Variants in TMEM178B observed in about 807,000 individuals in gnomAD.
TMEM178B encodes transmembrane protein 178B.
In TMEM178B, 5 loss-of-function variants were observed where a neutral mutation model predicts 31.0. The ratio of observed to expected loss-of-function variants is 0.16; its 90% CI spans 0.08 to 0.34. TMEM178B has a LOEUF of 0.34. TMEM178B is among the 10% of genes least tolerant of loss of function. The pLI, the probability that TMEM178B is intolerant of heterozygous loss-of-function variation, is 1.00. For missense variants in TMEM178B, 275 were observed against 400.3 expected, an observed-to-expected ratio of 0.69 and a Z score of 2.67; for synonymous variants, 164 against 164.0, an observed-to-expected ratio of 1.00 and a Z score of 0.00.
intron 2 of TMEM178B, among the ~76,000 whole-genome samples, chr7:141,372,318 T>G (rs936392522): frequency 6.6e-6 from 1 of 152,174 alleles, no homozygotes; most frequent in African/African-American, 2.4e-5. Context: ...CTCCTCGCTG[T>G]CTCTGCTCGG....
intron 2 of TMEM178B, among the ~76,000 whole-genome samples, chr7:141,423,903 G>A (rs1049779395): frequency 1.3e-5 from 2 of 150,996 alleles, no homozygotes; most frequent in African/African-American, 4.9e-5. Context: ...CCACCTCCTG[G>A]GTTCAAGTGA....
rs571316105 is a variant in TMEM178B at position 141,403,759 on chromosome 7, G to A, written c.497-33849G>A. On this transcript the variant is annotated intron_variant, in intron 2 of 3. Coordinates refer to ENST00000565468, the MANE Select transcript of TMEM178B (RefSeq NM_001195278.2). ...TTGTTACAGAAAATTCCTGTCCCTG[G>A]CAAGTGCCTAATACCCAAGGAGGGA... is the stretch of plus-strand genomic sequence containing the variant. Among the ~76,000 whole-genome samples the A allele has an allele frequency of 7.2e-4, 110 of 152,264 alleles. 1 individual carries two copies. Among genetic ancestry groups the A allele is most frequent in the African/African-American group, 2.6e-3 (107 of 41,548 alleles).
In TMEM178B at chr7:141,473,515, C is replaced by G. The variant is rs1031656981; in HGVS notation, c.*2729C>G. 1 of 152,116 alleles carries G rather than the reference C, an allele frequency of 6.6e-6. No homozygotes were observed. Among genetic ancestry groups the G allele is most frequent in the African/African-American group, 2.4e-5 (1 of 41,406 alleles). 9.4% of individuals were successfully genotyped at this position (152,116 alleles called of 1,614,324 possible). On this transcript the variant is annotated 3_prime_UTR_variant, in exon 4 of 4. Coordinates refer to ENST00000565468, the MANE Select transcript of TMEM178B (RefSeq NM_001195278.2). ...TTATATCCTCTTTTTAAAAAAAAAT[C>G]CCATACTTTCAATGAATAGATTATC...
chr7:141,188,441 C>T (rs1168056113), intron 1 of TMEM178B, among the ~76,000 whole-genome samples: 1 of 152,178 alleles, frequency 6.6e-6, no homozygotes, highest in East Asian at 1.9e-4. Context: ...CAAAACACTT[C>T]CTGTGCAAAT....
chr7:141,227,692 G>A (rs1191980275), intron 2 of TMEM178B, among the ~76,000 whole-genome samples: 1 of 152,154 alleles, frequency 6.6e-6, no homozygotes, highest in East Asian at 1.9e-4. Flanking sequence ...CTGAGAGAAT[G>A]GGTCTGGACT....
intron 2 of TMEM178B, among the ~76,000 whole-genome samples, chr7:141,375,157 C>T (rs768881607): frequency 1.2e-4 from 18 of 152,334 alleles, no homozygotes; most frequent in Non-Finnish European, 1.8e-4. Flanking sequence ...CTTTCATTTG[C>T]TCCTTTAAAA....
Position 141,267,241 on chromosome 7 carries a change from G to A in TMEM178B, c.496+54537G>A, listed in dbSNP as rs536243084. ...TCCTCTACGTACCTCAAATTTCTAT[G>A]GTTAATGGGTTTTCCTGTCTATCCT... is the stretch of plus-strand genomic sequence containing the variant. On this transcript the variant is annotated intron_variant, in intron 2 of 3. Transcript: ENST00000565468. Among the ~76,000 whole-genome samples, 9 of 152,280 alleles carry A rather than the reference G, an allele frequency of 5.9e-5. No homozygotes were observed. The South Asian group carries it at 1.7e-3, about 28-fold the overall frequency.
chr7:141,278,217 G>C (rs897137958), intron 2 of TMEM178B, among the ~76,000 whole-genome samples: 2 of 152,252 alleles, frequency 1.3e-5, no homozygotes, highest in Admixed American at 1.3e-4. Flanking sequence ...CAGGGAAAGA[G>C]GGCCGAGGGG....
chr7:141,120,760 A>G (rs1795394660), intron 1 of TMEM178B, among the ~76,000 whole-genome samples: 1 of 151,980 alleles, frequency 6.6e-6, no homozygotes, highest in Non-Finnish European at 1.5e-5. Context: ...GTTGGAGACT[A>G]GCCTGGGCAA....
At chr7:141,418,376 T>C (rs1249397047) in intron 2 of TMEM178B, among the ~76,000 whole-genome samples, 2 of 152,138 alleles carry the variant, frequency 1.3e-5, no homozygotes, top group East Asian at 1.9e-4. Flanking sequence ...CTTCTAGTTA[T>C]AAATCTAGTA....
chr7:141,181,040 C>T (rs377356803), intron 1 of TMEM178B, among the ~76,000 whole-genome samples: 21 of 152,270 alleles, frequency 1.4e-4, no homozygotes, highest in African/African-American at 4.8e-4. Flanking sequence ...CTCCATTCCT[C>T]ATGTGCCAAG....
intron 2 of TMEM178B, among the ~76,000 whole-genome samples, chr7:141,315,500 C>T (rs1798986681): frequency 6.9e-6 from 1 of 144,362 alleles, no homozygotes; most frequent in East Asian, 1.9e-4. Flanking sequence ...ATTTGCAAAT[C>T]TTACCCCTTC....
chr7:141,147,532 A>G (rs1049379343), intron 1 of TMEM178B, among the ~76,000 whole-genome samples: 4 of 152,212 alleles, frequency 2.6e-5, no homozygotes, highest in Non-Finnish European at 5.9e-5. Flanking sequence ...AGGGAAGGCT[A>G]TTGTGGAAAT....
At chr7:141,108,197 G>T (rs935713783) in intron 1 of TMEM178B, among the ~76,000 whole-genome samples, 2 of 152,196 alleles carry the variant, frequency 1.3e-5, no homozygotes, top group Non-Finnish European at 2.9e-5. Context: ...CATAAAGGTG[G>T]TAGAGAAATG....
intron 1 of TMEM178B, among the ~76,000 whole-genome samples, chr7:141,114,382 T>C (rs933534933): frequency 6.6e-6 from 1 of 152,220 alleles, no homozygotes; most frequent in African/African-American, 2.4e-5. Flanking sequence ...AGCTGCACTG[T>C]ATCTCCCTTC....
intron 2 of TMEM178B, among the ~76,000 whole-genome samples, chr7:141,297,719 G>C (rs1798659751): frequency 6.6e-6 from 1 of 152,188 alleles, no homozygotes; most frequent in Non-Finnish European, 1.5e-5. Flanking sequence ...GTATTCCATG[G>C]TGTGTATGTG....
intron 2 of TMEM178B, among the ~76,000 whole-genome samples, chr7:141,372,087 C>T (rs796598103): frequency 1.5e-4 from 23 of 152,288 alleles, no homozygotes; most frequent in African/African-American, 5.3e-4. Context: ...CTCACTGGTA[C>T]CAGTTGCTCT....
At chr7:141,319,134 G>T (rs1044529446) in intron 2 of TMEM178B, among the ~76,000 whole-genome samples, 3 of 152,330 alleles carry the variant, frequency 2.0e-5, no homozygotes, top group Admixed American at 2.0e-4. Flanking sequence ...TTTAGAACAA[G>T]AGTATAGGAG....
intron 2 of TMEM178B, among the ~76,000 whole-genome samples, chr7:141,421,645 T>C (rs912717916): frequency 6.6e-6 from 1 of 152,140 alleles, no homozygotes; most frequent in Admixed American, 6.5e-5. Context: ...TCATCAATTC[T>C]GGGGGAGGAT....
Sources: gnomAD v4.1 joint callset for allele counts (sites outside exome capture counted in the v4.1 genomes callset) on GRCh38, gnomAD v4.1.1 for gene constraint, MANE v1.5 for transcripts, NCBI Gene and HGNC (gene_info 2026-07-23, HGNC 2026-07-21) for gene names.